The following MEF2A variants were observed in gnomAD, a reference collection of about 807,000 sequenced individuals.
The protein encoded by MEF2A is myocyte-specific enhancer factor 2A.
In MEF2A, 28 loss-of-function variants were observed where a neutral mutation model predicts 55.8. The observed-to-expected ratio is 0.50, with a 90% CI of 0.37 to 0.69. The LOEUF (loss-of-function observed/expected upper bound fraction) is 0.69. MEF2A is among the 30% of genes least tolerant of loss of function. The pLI is 0.00. For missense variants in MEF2A, 528 were observed against 626.2 expected, an observed-to-expected ratio of 0.84 and a Z score of 1.67; for synonymous variants, 239 against 227.1, an observed-to-expected ratio of 1.05 and a Z score of -0.47.
At chr15:99,586,402 G>A (rs1056000492) in intron 1 of MEF2A, among the ~76,000 whole-genome samples, 6 of 152,050 alleles carry the variant, frequency 3.9e-5, no homozygotes, top group South Asian at 4.1e-4. Context: ...TATCCATATC[G>A]TTTTAATCTC....
At chr15:99,665,534 T>C (rs183312835) in intron 4 of MEF2A, among the ~76,000 whole-genome samples, 1 of 152,196 alleles carries the variant, frequency 6.6e-6, no homozygotes, top group Non-Finnish European at 1.5e-5. Flanking sequence ...AAAGATTTCA[T>C]GACTAAAACA....
intron 7 of MEF2A, among the ~76,000 whole-genome samples, chr15:99,680,728 G>A (rs1422807782): frequency 6.6e-6 from 1 of 152,094 alleles, no homozygotes; most frequent in East Asian, 1.9e-4. Context: ...CAAAAAATAT[G>A]AGCATGGAAA....
At chr15:99,648,504 A>G (rs1455071481) in intron 4 of MEF2A, among the ~76,000 whole-genome samples, 3 of 152,288 alleles carry the variant, frequency 2.0e-5, no homozygotes, top group East Asian at 3.9e-4. Context: ...ATGAACAGTT[A>G]TAAGTGATCT....
intron 1 of MEF2A, among the ~76,000 whole-genome samples, chr15:99,580,017 T>C (rs1965467411): frequency 1.3e-5 from 2 of 152,316 alleles, no homozygotes; most frequent in South Asian, 4.1e-4. Flanking sequence ...TGAAATTCCT[T>C]CCCTGTAGTC....
chr15:99,711,150 G>A (rs2153827150), intron 11 of MEF2A, among the ~76,000 whole-genome samples: 1 of 152,320 alleles, frequency 6.6e-6, no homozygotes. Flanking sequence ...TGCACTGCTT[G>A]AAAGGCAGCC....
At chr15:99,600,269 C>G (rs1166789457) in intron 2 of MEF2A, among the ~76,000 whole-genome samples, 1 of 152,150 alleles carries the variant, frequency 6.6e-6, no homozygotes, top group Admixed American at 6.5e-5. Context: ...CTACTAGTCT[C>G]TAAGGATGTA....
rs558203091 is a variant in MEF2A at position 99,616,434 on chromosome 15, T to C, written c.-142-16544T>C. Among the ~76,000 whole-genome samples the C allele has an allele frequency of 7.9e-5, 12 of 152,324 alleles. No homozygotes were observed. The East Asian group carries it at 1.5e-3, about 20-fold the overall frequency. On this transcript the variant is annotated intron_variant, in intron 2 of 11. Transcript: ENST00000557942. ...ATTTCTTCTGTTTCTTCCTTAGTTT[T>C]GAGAAGACAAATGGAAATTAAGTCA...
At chr15:99,658,696 AGTGC>A (rs1487671694) in intron 4 of MEF2A, among the ~76,000 whole-genome samples, 1 of 152,208 alleles carries the variant, frequency 6.6e-6, no homozygotes, top group Non-Finnish European at 1.5e-5. Context: ...TCCTCAAAAG[AGTGC>A]TATTTCCAAA....
rs1003775419 is a variant in MEF2A, at chr15:99,715,614, A to G, written c.*2843A>G. The G allele has an allele frequency of 2.6e-5, 4 of 152,284 alleles. No individual in the cohort carries two copies. Among genetic ancestry groups the G allele is most frequent in the East Asian group, 1.9e-4 (1 of 5,190 alleles). The allele number at this position is 152,284 out of a possible 1,614,324, so 9.4% of individuals were successfully genotyped here. On this transcript the variant is annotated 3_prime_UTR_variant, in exon 12 of 12. Transcript: ENST00000557942. ...GGGTGGAAACCAGCCTAGAGAGGGG[A>G]CGACGCTAATGGTGTTGCTTTAGAA...
At chr15:99,582,717 C>T in intron 1 of MEF2A, among the ~76,000 whole-genome samples, 1 of 152,064 alleles carries the variant, frequency 6.6e-6, no homozygotes. Context: ...GCTTTAAAGT[C>T]ATCTCTGTAG....
chr15:99,626,462 A>G (rs1311350110), intron 2 of MEF2A, among the ~76,000 whole-genome samples: 2 of 150,542 alleles, frequency 1.3e-5, no homozygotes, highest in African/African-American at 2.4e-5. Flanking sequence ...TCTGTTATCT[A>G]TTTCATTTAT....
intron 8 of MEF2A, among the ~76,000 whole-genome samples, chr15:99,691,786 A>G (rs1360141582): frequency 6.6e-6 from 1 of 152,230 alleles, no homozygotes; most frequent in East Asian, 1.9e-4. Flanking sequence ...TTATTCTCCA[A>G]TTAATTTTAT....
chr15:99,573,390 A>G (rs936012782), intron 1 of MEF2A, among the ~76,000 whole-genome samples: 1 of 152,162 alleles, frequency 6.6e-6, no homozygotes, highest in Non-Finnish European at 1.5e-5. Context: ...GGTACTTTCC[A>G]AATTATAATC....
At chr15:99,632,683 G>A (rs1007033268) in intron 2 of MEF2A, among the ~76,000 whole-genome samples, 2 of 152,162 alleles carry the variant, frequency 1.3e-5, no homozygotes, top group Non-Finnish European at 2.9e-5. Context: ...AAAATGTCTA[G>A]TACATAGAAG....
At chr15:99,707,936 T>C (rs1056160683) in intron 10 of MEF2A, among the ~76,000 whole-genome samples, 1 of 141,252 alleles carries the variant, frequency 7.1e-6, no homozygotes, top group Non-Finnish European at 1.5e-5. Context: ...AAAGGTTTTA[T>C]TGAAAAAAAA....
At chr15:99,662,968 C>T (rs2048921029) in intron 4 of MEF2A, among the ~76,000 whole-genome samples, 2 of 152,174 alleles carry the variant, frequency 1.3e-5, no homozygotes, top group Admixed American at 1.3e-4. Flanking sequence ...CATTTAAAAA[C>T]CATGCATTTA....
chr15:99,674,477 A>G lies in MEF2A; in HGVS notation c.475A>G (p.Ser159Gly), dbSNP rs1391705773. ...PNALSYTNPG[S>G]SLVSPSLAAS... is the part of the protein sequence containing the mutation. ...TGCTTTGTCCTACACTAACCCAGGG[A>G]GTTCACTGGTGTCCCCATCTTTGGC... Residue 159 changes from serine (S) to glycine (G), a missense_variant, in exon 6 of 12, where the codon AGT (serine) becomes GGT (glycine). This residue lies in a region of MEF2A where 450 missense variants were observed against 475.3 expected (regional missense o/e 0.95). Transcript: ENST00000557942. 8 of 1,613,834 alleles carry G rather than the reference A, an allele frequency of 5.0e-6. No homozygotes were observed. In the African/African-American group the frequency reaches 1.1e-4, roughly 22 times the overall value.
chr15:99,581,940 G>A (rs1478341005), intron 1 of MEF2A, among the ~76,000 whole-genome samples: 2 of 152,054 alleles, frequency 1.3e-5, no homozygotes, highest in Non-Finnish European at 2.9e-5. Context: ...AAAAAGAAGA[G>A]CTGCTTGTTG....
rs761178866 is a variant in MEF2A, at chr15:99,589,563, A to C, written c.-224-8867A>C. On this transcript the variant is annotated intron_variant, in intron 1 of 11. Coordinates refer to ENST00000557942, the MANE Select transcript of MEF2A (RefSeq NM_001319206.4). ...TTAGTTTAATATGCTCCTTTTTTCTAGTGTCTTAGGGTGGAAGTTTGGAAC... is the reference window on the plus strand; with the variant it reads ...TTAGTTTAATATGCTCCTTTTTTCTCGTGTCTTAGGGTGGAAGTTTGGAAC... Among the ~76,000 whole-genome samples, 2 of 151,468 alleles carry C rather than the reference A, an allele frequency of 1.3e-5. 1 individual carries two copies. Among genetic ancestry groups the C allele is most frequent in the South Asian group, 4.2e-4 (2 of 4,818 alleles).
Sources: allele counts gnomAD v4.1 joint callset (sites outside exome capture counted in the v4.1 genomes callset), GRCh38; gene constraint gnomAD v4.1.1; regional missense constraint gnomAD v4.1.1; transcripts MANE v1.5; gene names NCBI Gene and HGNC (gene_info 2026-07-23, HGNC 2026-07-21).